Variants in COL25A1 observed in about 807,000 individuals in gnomAD.
COL25A1 encodes the protein collagen alpha-1(XXV) chain.
COL25A1 carries 103 observed loss-of-function variants against 128.4 expected under a neutral mutation model. That is an observed-to-expected ratio of 0.80 (90% CI 0.68 to 0.94). The LOEUF (loss-of-function observed/expected upper bound fraction) is 0.94. COL25A1 is among the 40% of genes least tolerant of loss of function. The pLI is 0.00. For missense variants in COL25A1, 745 were observed against 840.0 expected, an observed-to-expected ratio of 0.89 and a Z score of 1.40; for synonymous variants, 279 against 277.2, an observed-to-expected ratio of 1.01 and a Z score of -0.06.
At chr4:109,006,630 C>T (rs78275567) in intron 6 of COL25A1, among the ~76,000 whole-genome samples, 2,692 of 151,842 alleles carry the variant, frequency 0.018, 67 homozygotes, top group African/African-American at 0.06. Flanking sequence ...ACAGTTTATG[C>T]AAATTTACTC....
chr4:108,935,948 C>T (rs1189332294), intron 11 of COL25A1, among the ~76,000 whole-genome samples: 4 of 152,114 alleles, frequency 2.6e-5, no homozygotes, highest in Admixed American at 2.0e-4. Context: ...TGATAAAAAT[C>T]TGAGTAGTCT....
intron 3 of COL25A1, among the ~76,000 whole-genome samples, chr4:109,204,201 A>G (rs1228806094): frequency 1.3e-5 from 2 of 152,270 alleles, no homozygotes; most frequent in Admixed American, 1.3e-4. Flanking sequence ...AATCATCATG[A>G]GTTTTAAAAC....
intron 3 of COL25A1, among the ~76,000 whole-genome samples, chr4:109,284,864 A>C (rs1723722836): frequency 6.6e-6 from 1 of 151,692 alleles, no homozygotes; most frequent in Non-Finnish European, 1.5e-5. Context: ...CCTATACAAT[A>C]AAGAGTGAGG....
chr4:109,280,769 C>T (rs1723305086), intron 3 of COL25A1, among the ~76,000 whole-genome samples: 1 of 152,004 alleles, frequency 6.6e-6, no homozygotes, highest in African/African-American at 2.4e-5. Context: ...TCTCCTGCCT[C>T]AGCCTCCCAA....
chr4:108,889,120 C>A (rs755541485), intron 18 of COL25A1, 101 bp downstream of exon 18: 2 of 1,096,248 alleles, frequency 1.8e-6, no homozygotes, highest in Non-Finnish European at 2.7e-6. Context: ...ACATGAAAAC[C>A]GCATCATTTT....
At chr4:109,005,430 C>T (rs935393129) in intron 6 of COL25A1, among the ~76,000 whole-genome samples, 2 of 152,122 alleles carry the variant, frequency 1.3e-5, no homozygotes, top group Admixed American at 1.3e-4. Context: ...ATATCAATCC[C>T]CCAACTTAAA....
chr4:108,841,250 TCTGGG>T (rs1373026091), intron 31 of COL25A1, among the ~76,000 whole-genome samples: 23 of 152,252 alleles, frequency 1.5e-4, no homozygotes, highest in Admixed American at 9.8e-4. Context: ...ACCAATGACC[TCTGGG>T]CGAGTACAAA....
intron 3 of COL25A1, among the ~76,000 whole-genome samples, chr4:109,244,976 A>G (rs1455511328): frequency 1.3e-5 from 2 of 152,150 alleles, no homozygotes; most frequent in Admixed American, 6.6e-5. Context: ...ACACTGGATA[A>G]CTTTAAAAAT....
chr4:109,267,376 A>G (rs1781864564), intron 3 of COL25A1, among the ~76,000 whole-genome samples: 3 of 152,176 alleles, frequency 2.0e-5, no homozygotes, highest in Non-Finnish European at 2.9e-5. Flanking sequence ...AACATTTTCA[A>G]TCCAAAACAT....
chr4:109,289,454 T>C (rs1466383573), intron 3 of COL25A1, among the ~76,000 whole-genome samples: 2 of 152,182 alleles, frequency 1.3e-5, no homozygotes. Flanking sequence ...ATTTTAACAG[T>C]AATTTTTGAG....
chr4:109,152,843 TGGTGGTTGCCA>T (rs1327385375), intron 3 of COL25A1, among the ~76,000 whole-genome samples: 2 of 151,902 alleles, frequency 1.3e-5, no homozygotes, highest in African/African-American at 2.4e-5. Context: ...GAAAGTAGAA[TGGTGGTTGCCA>T]GGGGCAGGGA....
At chr4:109,026,897 A>G (rs1451249505) in intron 5 of COL25A1, among the ~76,000 whole-genome samples, 1 of 152,258 alleles carries the variant, frequency 6.6e-6, no homozygotes, top group Non-Finnish European at 1.5e-5. Flanking sequence ...GAGAAGAAAG[A>G]AAGTGAGAAT....
chr4:108,933,118 T>C (rs779248334), intron 11 of COL25A1, among the ~76,000 whole-genome samples: 2 of 152,208 alleles, frequency 1.3e-5, no homozygotes, highest in African/African-American at 2.4e-5. Context: ...GTCAGATGAT[T>C]ACTTCTGCAA....
At chr4:109,217,700 G>A (rs1435040073) in intron 3 of COL25A1, among the ~76,000 whole-genome samples, 2 of 152,106 alleles carry the variant, frequency 1.3e-5, no homozygotes, top group African/African-American at 2.4e-5. Context: ...GATCACGTTT[G>A]AGTCCCTTAT....
chr4:109,302,315 T>C lies in COL25A1; in HGVS notation c.-203A>G. On this transcript the variant is annotated 5_prime_UTR_variant, in exon 1 of 38. Transcript: ENST00000399132. ...AGACGAAACCCACCCAGACAGCTCT[T>C]CCGACTCCCAGAGGACCGACACCTC... is the stretch of plus-strand genomic sequence containing the variant. 2.6e-6 allele frequency: 1 copy of C among 378,536 alleles called. No individual in the cohort carries two copies. Among genetic ancestry groups the C allele is most frequent in the South Asian group, 6.5e-5 (1 of 15,414 alleles). 23.4% of individuals were successfully genotyped at this position (378,536 alleles called of 1,614,324 possible).
rs1272438072 is a variant in COL25A1, at chr4:109,243,550, A to G, written c.367+57033T>C. ...GTATCTATTAGGAAAGAATAAAGAA[A>G]CTAGGATTATTCCACCTGGTGAAGG... On this transcript the variant is annotated intron_variant, in intron 3 of 37. Coordinates refer to ENST00000399132, the MANE Select transcript of COL25A1 (RefSeq NM_198721.4). Among the ~76,000 whole-genome samples, 3 of 152,054 alleles carry G rather than the reference A, an allele frequency of 2.0e-5. No homozygotes were observed. In the East Asian group the frequency reaches 5.8e-4, roughly 29 times the overall value.
chr4:109,230,030 A>G (rs1319385412), intron 3 of COL25A1, among the ~76,000 whole-genome samples: 1 of 152,094 alleles, frequency 6.6e-6, no homozygotes, highest in Non-Finnish European at 1.5e-5. Flanking sequence ...GAGGTGCCAC[A>G]CACTTTTAAA....
intron 18 of COL25A1, among the ~76,000 whole-genome samples, chr4:108,886,276 A>C (rs558297117): frequency 1.9e-4 from 29 of 152,296 alleles, no homozygotes; most frequent in African/African-American, 6.7e-4. Flanking sequence ...ATTTTTAGAA[A>C]GACTTTTTTT....
chr4:109,012,349 T>A (rs1756678307), intron 5 of COL25A1, among the ~76,000 whole-genome samples: 1 of 152,226 alleles, frequency 6.6e-6, no homozygotes, highest in Non-Finnish European at 1.5e-5. Flanking sequence ...CAGCACTTCC[T>A]CGGCCTTGGC....
Sources: gnomAD v4.1 joint callset for allele counts (sites outside exome capture counted in the v4.1 genomes callset) on GRCh38, gnomAD v4.1.1 for gene constraint, MANE v1.5 for transcripts, NCBI Gene and HGNC (gene_info 2026-07-23, HGNC 2026-07-21) for gene names.